PTPRN2: variants seen among roughly 807,000 people sequenced by gnomAD.
PTPRN2 encodes the protein receptor-type tyrosine-protein phosphatase N2.
A neutral mutation model predicts 118.8 loss-of-function variants in PTPRN2; 74 were observed. That is an observed-to-expected ratio of 0.62 (90% CI 0.52 to 0.76). PTPRN2 has a LOEUF of 0.76. Ranked by LOEUF, PTPRN2 falls within the 30% of genes least tolerant of loss-of-function variation. The pLI is 0.00. For synonymous variants in PTPRN2, 641 were observed against 608.0 expected, an observed-to-expected ratio of 1.05 and a Z score of -0.80; for missense variants, 1,481 against 1,394.4, an observed-to-expected ratio of 1.06 and a Z score of -0.99.
In PTPRN2 at chr7:158,587,747, A is replaced by G. The variant is rs1353354151; in HGVS notation, c.-78T>C. ...GAGGCGGCCGAGTCCGGGCCCAGGG[A>G]GGCGCGCGCCGCCGGCTCCTCCCGC... On this transcript the variant is annotated 5_prime_UTR_variant, in exon 1 of 23. Coordinates refer to ENST00000389418, the MANE Select transcript of PTPRN2 (RefSeq NM_002847.5). 44 of 1,078,604 alleles carry G rather than the reference A, an allele frequency of 4.1e-5. No individual in the cohort carries two copies. The highest frequency in any genetic ancestry group is 4.7e-5 in the Non-Finnish European group (42 of 892,622). The allele number at this position is 1,078,604 out of a possible 1,614,324, so 66.8% of individuals were successfully genotyped here.
chr7:157,559,057 T>C (rs1368857769), intron 21 of PTPRN2, among the ~76,000 whole-genome samples: 1 of 152,210 alleles, frequency 6.6e-6, no homozygotes, highest in African/African-American at 2.4e-5. Flanking sequence ...ACACGCACGT[T>C]CTGTCTCACG....
At chr7:158,233,388 G>A (rs1031057290) in intron 3 of PTPRN2, among the ~76,000 whole-genome samples, 3 of 152,156 alleles carry the variant, frequency 2.0e-5, no homozygotes, top group South Asian at 4.2e-4. Flanking sequence ...CAAGGAAAAC[G>A]ATACAACACT....
chr7:157,682,176 C>A (rs142141567), intron 13 of PTPRN2, among the ~76,000 whole-genome samples: 4 of 152,186 alleles, frequency 2.6e-5, no homozygotes, highest in Non-Finnish European at 5.9e-5. Context: ...GTTTCCAGCT[C>A]ATTTCCAGGG....
At chr7:158,006,390 C>A (rs745699794) in intron 11 of PTPRN2, among the ~76,000 whole-genome samples, 2 of 152,216 alleles carry the variant, frequency 1.3e-5, no homozygotes, top group African/African-American at 4.8e-5. Flanking sequence ...GGCCCTGGAG[C>A]CTTCTTTTGG....
chr7:158,475,460 C>T (rs1267681541), intron 2 of PTPRN2, among the ~76,000 whole-genome samples: 26 of 152,116 alleles, frequency 1.7e-4, no homozygotes, highest in Admixed American at 1.7e-3. Flanking sequence ...GTGCACGCTT[C>T]GCCCCTGCTT....
chr7:158,075,634 TC>T (rs1274438855), intron 11 of PTPRN2, among the ~76,000 whole-genome samples: 1 of 152,206 alleles, frequency 6.6e-6, no homozygotes, highest in Non-Finnish European at 1.5e-5. Context: ...TAGAGGCTCC[TC>T]TTTTTAGTTA....
At position 157,763,083 on chromosome 7, in the gene PTPRN2, GTCACA is replaced by G. The variant is rs771408430; in HGVS notation, c.1789-80151_1789-80147del. On this transcript the variant is annotated intron_variant, in intron 12 of 22. Coordinates refer to ENST00000389418, the MANE Select transcript of PTPRN2 (RefSeq NM_002847.5). The surrounding 1 kb of genome is among the most constrained non-coding windows in gnomAD (Gnocchi z 4.9). The stretch of plus-strand genomic sequence containing the variant: ...CAGAGCCCACGGCCGCCCACTCATG[GTCACA>G]GAGCTAACCATCAGAGCCCACGGCC... 0.073 allele frequency among the ~76,000 whole-genome samples: 11,143 copies of G among 151,946 alleles called. 507 individuals carry two copies. The highest frequency in any genetic ancestry group is 0.11 in the African/African-American group (4,674 of 41,362).
chr7:157,587,893 A>G lies in PTPRN2; in HGVS notation c.2496+7345T>C, dbSNP rs527331398. 7.8e-4 allele frequency among the ~76,000 whole-genome samples: 106 copies of G among 135,536 alleles called. No homozygotes were observed. Among genetic ancestry groups the G allele is most frequent in the African/African-American group, 2.1e-3 (75 of 35,392 alleles). 88.9% of individuals were successfully genotyped at this position (135,536 alleles called of 152,430 possible). On this transcript the variant is annotated intron_variant, in intron 17 of 22. Coordinates refer to ENST00000389418, the MANE Select transcript of PTPRN2 (RefSeq NM_002847.5). The surrounding 1 kb of genome is among the most constrained non-coding windows in gnomAD (Gnocchi z 5.3). ...TGGCTCTCCCCATGCCTGGGTTCCC[A>G]AGGTGGCTGTCCCCGTGCCTGGGCT... is the stretch of plus-strand genomic sequence containing the variant.
chr7:158,316,783 C>A, intron 3 of PTPRN2, 36 bp downstream of exon 3: 1 of 1,502,924 alleles, frequency 6.7e-7, no homozygotes, highest in Non-Finnish European at 9.0e-7. Flanking sequence ...TCGCTCAGTG[C>A]GGCAGCCGCC....
At chr7:157,815,791 G>A (rs1806359701) in intron 12 of PTPRN2, among the ~76,000 whole-genome samples, 1 of 152,200 alleles carries the variant, frequency 6.6e-6, no homozygotes, top group Admixed American at 6.5e-5. Flanking sequence ...TGTGTGTAAA[G>A]CAGCACACAT....
chr7:157,552,887 G>C (rs550193755), intron 21 of PTPRN2, among the ~76,000 whole-genome samples: 2 of 152,222 alleles, frequency 1.3e-5, no homozygotes, highest in African/African-American at 4.8e-5. Flanking sequence ...CCAGGGTCCA[G>C]TGAGGGTCCA....
chr7:158,275,736 CT>C (rs1563076342), intron 3 of PTPRN2, among the ~76,000 whole-genome samples: 2 of 152,158 alleles, frequency 1.3e-5, no homozygotes, highest in African/African-American at 4.8e-5. Context: ...CCCTGCGCAC[CT>C]CCACGTGTGG....
At chr7:158,344,347 C>T (rs982462901) in intron 2 of PTPRN2, among the ~76,000 whole-genome samples, 12 of 152,142 alleles carry the variant, frequency 7.9e-5, no homozygotes, top group African/African-American at 1.9e-4. Flanking sequence ...TCAGGAGCTC[C>T]GTCCAGTGGG....
At chr7:158,484,663 C>T (rs1282593796) in intron 2 of PTPRN2, among the ~76,000 whole-genome samples, 1 of 152,222 alleles carries the variant, frequency 6.6e-6, no homozygotes, top group African/African-American at 2.4e-5. Flanking sequence ...CCCTGGCCTC[C>T]TGGACATTTT....
chr7:158,150,340 T>G (rs58258763), intron 6 of PTPRN2, among the ~76,000 whole-genome samples: 1 of 152,144 alleles, frequency 6.6e-6, no homozygotes, highest in African/African-American at 2.4e-5. Context: ...GTTCCATTTC[T>G]GAGTACCTGG....
chr7:158,359,469 C>T (rs796761032), intron 2 of PTPRN2, among the ~76,000 whole-genome samples: 76 of 152,256 alleles, frequency 5.0e-4, no homozygotes, highest in African/African-American at 1.8e-3. Context: ...CAGCTGGAGC[C>T]ATAAAAGGAC....
chr7:158,342,218 TCA>T (rs1306474181), intron 2 of PTPRN2, among the ~76,000 whole-genome samples: 3 of 107,552 alleles, frequency 2.8e-5, no homozygotes, highest in African/African-American at 1.2e-4. Context: ...CACACGTCAC[TCA>T]CACTCACACT....
At chr7:158,562,454 A>G (rs915336050) in intron 1 of PTPRN2, among the ~76,000 whole-genome samples, 2 of 152,144 alleles carry the variant, frequency 1.3e-5, no homozygotes, top group Non-Finnish European at 2.9e-5. Context: ...GAGGGCAAAT[A>G]GCCTTACTCC....
chr7:158,342,852 C>G (rs560762467), intron 2 of PTPRN2, among the ~76,000 whole-genome samples: 1 of 152,172 alleles, frequency 6.6e-6, no homozygotes, highest in South Asian at 2.1e-4. Context: ...CTCAGGAAAC[C>G]TCATCATCGT....
Sources: gnomAD v4.1 joint callset for allele counts (sites outside exome capture counted in the v4.1 genomes callset) on GRCh38, gnomAD v4.1.1 for gene constraint, Gnocchi (gnomAD v3.1) non-coding constraint, MANE v1.5 for transcripts, NCBI Gene and HGNC (gene_info 2026-07-23, HGNC 2026-07-21) for gene names.